The following COL24A1 variants were observed in gnomAD, a reference collection of about 807,000 sequenced individuals.
COL24A1 encodes the protein collagen type XXIV alpha 1 chain, also known as collagen alpha-1(XXIV) chain.
In COL24A1, 224 loss-of-function variants were observed where a neutral mutation model predicts 253.9. The observed-to-expected ratio is 0.88, with a 90% CI of 0.79 to 0.99. The LOEUF (loss-of-function observed/expected upper bound fraction) is 0.99. COL24A1 is among the 50% of genes least tolerant of loss of function. COL24A1 has a pLI of 0.00. For synonymous variants in COL24A1, 685 were observed against 673.7 expected, an observed-to-expected ratio of 1.02 and a Z score of -0.26; for missense variants, 2,131 against 2,068.5, an observed-to-expected ratio of 1.03 and a Z score of -0.59.
At chr1:85,743,232 C>T (rs1664844042) in intron 57 of COL24A1, among the ~76,000 whole-genome samples, 1 of 152,056 alleles carries the variant, frequency 6.6e-6, no homozygotes, top group Non-Finnish European at 1.5e-5. Context: ...AATTTAATTT[C>T]CTATCATTCT....
intron 37 of COL24A1, among the ~76,000 whole-genome samples, chr1:85,860,651 G>A (rs1215633016): frequency 6.6e-6 from 1 of 152,216 alleles, no homozygotes; most frequent in Non-Finnish European, 1.5e-5. Flanking sequence ...TGAGGCAGGA[G>A]AATGGCGTGA....
chr1:85,825,375 A>G (rs313749), intron 43 of COL24A1, among the ~76,000 whole-genome samples: 61,264 of 151,912 alleles, frequency 0.4, 13,364 homozygotes, highest in East Asian at 0.58. Flanking sequence ...ATAACGCCGC[A>G]ATAAACGTAC....
chr1:86,132,846 C>A (rs9659541), intron 2 of COL24A1, among the ~76,000 whole-genome samples: 1 of 151,930 alleles, frequency 6.6e-6, no homozygotes, highest in African/African-American at 2.4e-5. Flanking sequence ...CTTGGCAATG[C>A]GGGCTCTTTT....
In COL24A1 at chr1:85,957,393, A is replaced by G. The variant is rs72954548; in HGVS notation, c.2562+3856T>C. 7.2e-3 allele frequency among the ~76,000 whole-genome samples: 1,093 copies of G among 152,288 alleles called. 10 individuals are homozygous for G. Among genetic ancestry groups the G allele is most frequent in the African/African-American group, 0.024 (992 of 41,570 alleles). ...AATAAATAAAATAAAAGGGCCAGAG[A>G]AAAGAAGTCAAATTTGCAGGTGAGA... On this transcript the variant is annotated intron_variant, in intron 24 of 59. Coordinates refer to ENST00000370571, the MANE Select transcript of COL24A1 (RefSeq NM_152890.7).
intron 14 of COL24A1, among the ~76,000 whole-genome samples, chr1:86,027,688 G>A (rs1698172424): frequency 7.0e-6 from 1 of 143,684 alleles, no homozygotes; most frequent in Non-Finnish European, 1.6e-5. Flanking sequence ...AGTGTAGAAG[G>A]GAAATGTAGG....
rs75821792 is a variant in COL24A1, at chr1:85,938,804, C to T, written c.2562+22445G>A. On this transcript the variant is annotated intron_variant, in intron 24 of 59. Transcript: ENST00000370571. ...TACCTTTCCCAGGTTGGTCCATATA[C>T]AGTGACTGCTTGGAGTAAACTATAA... Among the ~76,000 whole-genome samples the T allele has an allele frequency of 2.1e-3, 254 of 118,330 alleles. 23 individuals are homozygous for T. The highest frequency in any genetic ancestry group is 1.4e-3 in the Non-Finnish European group (77 of 53,234). 77.6% of individuals were successfully genotyped at this position (118,330 alleles called of 152,430 possible). A position where few individuals can be genotyped will look rare whatever the true frequency, so the allele number is the denominator to read the frequency against.
In COL24A1 at chr1:85,982,727, T is replaced by G. The variant is rs111973810; in HGVS notation, c.2364+4874A>C. Among the ~76,000 whole-genome samples, 907 of 152,166 alleles carry G rather than the reference T, an allele frequency of 6.0e-3. 11 individuals carry two copies. Among genetic ancestry groups the G allele is most frequent in the African/African-American group, 0.021 (876 of 41,572 alleles). On this transcript the variant is annotated intron_variant, in intron 20 of 59. Transcript: ENST00000370571. The stretch of plus-strand genomic sequence containing the variant: ...TTTTACCTTTTCACTTATGAAGGGC[T>G]CATGTTTCCAGAGAATTACAAGTTC...
intron 52 of COL24A1, among the ~76,000 whole-genome samples, chr1:85,780,410 T>C (rs990779730): frequency 1.3e-5 from 2 of 152,202 alleles, no homozygotes; most frequent in Non-Finnish European, 2.9e-5. Flanking sequence ...TTTATACTAT[T>C]ATCAATATTG....
intron 10 of COL24A1, among the ~76,000 whole-genome samples, chr1:86,053,824 T>C (rs1392765071): frequency 6.6e-6 from 1 of 152,124 alleles, no homozygotes; most frequent in Admixed American, 6.5e-5. Context: ...AGCTAATTTA[T>C]CATGATTCAT....
chr1:85,923,627 A>G (rs1042251347), intron 24 of COL24A1, among the ~76,000 whole-genome samples: 2 of 152,242 alleles, frequency 1.3e-5, no homozygotes, highest in African/African-American at 4.8e-5. Flanking sequence ...ACCAATGAGA[A>G]CAAAGACACA....
At chr1:86,123,394 T>C (rs1016683052) in intron 3 of COL24A1, among the ~76,000 whole-genome samples, 25 of 152,042 alleles carry the variant, frequency 1.6e-4, no homozygotes, top group Admixed American at 3.3e-4. Flanking sequence ...TGCATCTCTC[T>C]GCAGCATTTA....
At chr1:85,909,277 A>C (rs938439791) in intron 26 of COL24A1, among the ~76,000 whole-genome samples, 3 of 151,820 alleles carry the variant, frequency 2.0e-5, no homozygotes, top group Non-Finnish European at 4.4e-5. Flanking sequence ...CTTTTCTGAT[A>C]ATATAGAAGT....
chr1:86,087,289 G>A (rs1703129185), intron 7 of COL24A1, among the ~76,000 whole-genome samples: 1 of 152,088 alleles, frequency 6.6e-6, no homozygotes, highest in Non-Finnish European at 1.5e-5. Context: ...TCAAAATAAT[G>A]TTACATAGAC....
intron 12 of COL24A1, among the ~76,000 whole-genome samples, chr1:86,037,903 A>AGATCATCTCT (rs1699157142): frequency 6.6e-6 from 1 of 152,154 alleles, no homozygotes; most frequent in African/African-American, 2.4e-5. Flanking sequence ...TAAAAAACTT[A>AGATCATCTCT]GATCATCTCT....
chr1:86,005,907 C>A (rs1475858447), intron 19 of COL24A1, among the ~76,000 whole-genome samples: 1 of 152,104 alleles, frequency 6.6e-6, no homozygotes, highest in African/African-American at 2.4e-5. Context: ...TAACTGACTT[C>A]TTGTATACCA....
intron 5 of COL24A1, among the ~76,000 whole-genome samples, chr1:86,107,412 C>T (rs1281561956): frequency 6.6e-6 from 1 of 152,030 alleles, no homozygotes. Context: ...CTATTAATTC[C>T]GATTATTCTA....
chr1:85,981,657 A>C (rs1201475663), intron 20 of COL24A1, among the ~76,000 whole-genome samples: 1 of 152,208 alleles, frequency 6.6e-6, no homozygotes, highest in Non-Finnish European at 1.5e-5. Flanking sequence ...GGACTTAATT[A>C]AACTAAAAAG....
chr1:85,761,222 T>G (rs1666814363), intron 55 of COL24A1, among the ~76,000 whole-genome samples, 174 bp downstream of exon 55: 1 of 152,178 alleles, frequency 6.6e-6, no homozygotes, highest in Non-Finnish European at 1.5e-5. Flanking sequence ...ATAAGAAGTC[T>G]GAGGCTTGGA....
Position 85,847,724 on chromosome 1 carries a change from G to A in COL24A1, c.3403C>T (p.Pro1135Ser), listed in dbSNP as rs757697726. The change falls in exon 39 of 60, where the codon CCT becomes TCT. Residue 1135 changes from proline to serine, a missense_variant. Physicochemically the swap from Pro to Ser is moderately conservative, Grantham distance 74 (BLOSUM62 -1). Transcript: ENST00000370571. ...CCACTTTTCCCAATTTTTCCAGGAGGACCTCTGCTTCCAACTTCTCCTGTG... is the reference window on the plus strand; with the variant it reads ...CCACTTTTCCCAATTTTTCCAGGAGAACCTCTGCTTCCAACTTCTCCTGTG... ...GPTGEVGSRG[P>S]PGKIGKSGPK... 1 of 1,613,696 alleles carries A rather than the reference G, an allele frequency of 6.2e-7. No homozygotes were observed. Among genetic ancestry groups the A allele is most frequent in the East Asian group, 2.2e-5 (1 of 44,858 alleles).
Sources: gnomAD v4.1 joint callset for allele counts (sites outside exome capture counted in the v4.1 genomes callset) on GRCh38, gnomAD v4.1.1 for gene constraint, MANE v1.5 for transcripts, NCBI Gene and HGNC (gene_info 2026-07-23, HGNC 2026-07-21) for gene names.